The following PLCB4 variants were observed in gnomAD, a reference collection of about 807,000 sequenced individuals.
PLCB4 encodes phospholipase C beta 4, also known as 1-phosphatidylinositol 4,5-bisphosphate phosphodiesterase beta-4.
Under a neutral mutation model 178.8 loss-of-function variants are expected in PLCB4, and 77 were observed. That is an observed-to-expected ratio of 0.43 (90% CI 0.36 to 0.52). PLCB4 has a LOEUF of 0.52. PLCB4 is among the 20% of genes least tolerant of loss of function. The probability of loss-of-function intolerance (pLI) is 0.00; values close to 1 mark genes in which losing one functional copy is unlikely to be tolerated. For synonymous variants in PLCB4, 496 were observed against 490.8 expected (o/e 1.01, Z -0.14); for missense variants, 1,024 against 1,453.4 (o/e 0.70, Z 4.80).
At chr20:9,411,712 C>A (rs2039872446) in intron 25 of PLCB4, among the ~76,000 whole-genome samples, 1 of 137,286 alleles carries the variant, frequency 7.3e-6, no homozygotes. Context: ...AATTAGAATT[C>A]TCTTGAGATA....
At chr20:9,389,836 T>C (rs749714192) in intron 15 of PLCB4, 43 bp from the exon 16 acceptor site, 1 of 1,077,622 alleles carries the variant, frequency 9.3e-7, no homozygotes, top group Non-Finnish European at 1.4e-6. Context: ...GCCTTAATTT[T>C]TTTGCTCTTT....
At chr20:9,436,899 A>C in intron 29 of PLCB4, 103 bp from the exon 30 acceptor site, 4 of 1,054,042 alleles carry the variant, frequency 3.8e-6, no homozygotes, top group African/African-American at 1.6e-5. Context: ...AAGTCTAGGA[A>C]GAGTATGGTA....
At chr20:9,468,516 A>G in intron 35 of PLCB4, 55 bp from the exon 36 acceptor site, 1 of 1,073,402 alleles carries the variant, frequency 9.3e-7, no homozygotes, top group Non-Finnish European at 1.4e-6. Flanking sequence ...TCTACCCATT[A>G]AACACAAACT....
chr20:9,108,868 G>GT (rs1568765265), intron 2 of PLCB4, among the ~76,000 whole-genome samples: 1 of 148,772 alleles, frequency 6.7e-6, no homozygotes, highest in Non-Finnish European at 1.5e-5. Flanking sequence ...GAGAGATACA[G>GT]AGTGATGAGA....
chr20:9,419,681 C>T lies in PLCB4; in HGVS notation c.2052-126C>T, dbSNP rs6056605. On this transcript the variant is annotated intron_variant, in intron 25 of 39. Transcript: ENST00000378473. ...GGCACATTCTCTTCCATCCTTAGGA[C>T]CCTCTGCCTAAAATCCTAGCTCCTG... The T allele has an allele frequency of 1.9e-3, 1,347 of 701,004 alleles. 13 individuals are homozygous for T. The African/African-American group carries it at 0.021, about 11-fold the overall frequency. The allele number at this position is 701,004 out of a possible 1,614,324, so 43.4% of individuals were successfully genotyped here. A position where few individuals can be genotyped will look rare whatever the true frequency, so the allele number is the denominator to read the frequency against.
At chr20:9,330,804 A>C (rs893164016) in intron 4 of PLCB4, among the ~76,000 whole-genome samples, 2 of 152,178 alleles carry the variant, frequency 1.3e-5, no homozygotes, top group African/African-American at 2.4e-5. Context: ...CATCACGGTA[A>C]ATCCGTTGGA....
intron 19 of PLCB4, among the ~76,000 whole-genome samples, chr20:9,396,199 C>T (rs942233974): frequency 5.3e-5 from 8 of 152,150 alleles, no homozygotes; most frequent in Non-Finnish European, 4.4e-5. Flanking sequence ...GAAGCACTTG[C>T]TGTAGTAGGC....
chr20:9,244,668 T>C (rs190029552), intron 3 of PLCB4, among the ~76,000 whole-genome samples: 1 of 152,216 alleles, frequency 6.6e-6, no homozygotes, highest in African/African-American at 2.4e-5. Context: ...ATCAGTTAAG[T>C]AAAGAGTGTT....
chr20:9,105,956 A>G (rs2091347107), intron 2 of PLCB4, among the ~76,000 whole-genome samples: 1 of 152,126 alleles, frequency 6.6e-6, no homozygotes, highest in Non-Finnish European at 1.5e-5. Context: ...GACTACATAT[A>G]CATATGTTTT....
intron 7 of PLCB4, among the ~76,000 whole-genome samples, chr20:9,343,372 C>T (rs67966567): frequency 0.07 from 10,672 of 152,130 alleles, 416 homozygotes; most frequent in African/African-American, 0.094. Context: ...AAGCCATTTT[C>T]CCTTCTGTAT....
chr20:9,437,474 T>C (rs909767809), intron 30 of PLCB4, among the ~76,000 whole-genome samples: 11 of 152,242 alleles, frequency 7.2e-5, no homozygotes, highest in Admixed American at 5.2e-4. Flanking sequence ...GCCAATTCCA[T>C]GTGCTTACCT....
At chr20:9,291,278 T>C (rs1204061318) in intron 3 of PLCB4, among the ~76,000 whole-genome samples, 1 of 152,198 alleles carries the variant, frequency 6.6e-6, no homozygotes, top group Non-Finnish European at 1.5e-5. Flanking sequence ...CCACTCTCCC[T>C]GCTGGTCTAT....
intron 2 of PLCB4, among the ~76,000 whole-genome samples, chr20:9,149,998 A>G (rs1393577209): frequency 3.9e-5 from 6 of 152,174 alleles, no homozygotes; most frequent in African/African-American, 1.4e-4. Context: ...TTGACCGTGA[A>G]TGGAACAGCT....
At chr20:9,137,061 C>T (rs1489892302) in intron 2 of PLCB4, among the ~76,000 whole-genome samples, 6 of 152,032 alleles carry the variant, frequency 3.9e-5, no homozygotes, top group East Asian at 3.9e-4. Flanking sequence ...TCCTAGAAGC[C>T]ACAGTCGACC....
chr20:9,307,097 G>C (rs1448553996), intron 3 of PLCB4, among the ~76,000 whole-genome samples: 1 of 152,234 alleles, frequency 6.6e-6, no homozygotes, highest in Admixed American at 6.5e-5. Flanking sequence ...CACACAGAAG[G>C]AGGAGGGGCC....
chr20:9,152,418 T>A (rs539122004), intron 2 of PLCB4, among the ~76,000 whole-genome samples: 72 of 152,272 alleles, frequency 4.7e-4, no homozygotes, highest in African/African-American at 1.7e-3. Flanking sequence ...AGGGACATAG[T>A]GCCTTGTGTC....
intron 8 of PLCB4, 102 bp from the exon 9 acceptor site, chr20:9,365,359 A>G (rs2035685930): frequency 8.4e-6 from 6 of 712,088 alleles, no homozygotes. Context: ...TTTCAGAACC[A>G]ATGTTCTTGA....
intron 28 of PLCB4, among the ~76,000 whole-genome samples, chr20:9,434,747 G>A (rs1602684020): frequency 6.6e-6 from 1 of 152,218 alleles, no homozygotes; most frequent in Non-Finnish European, 1.5e-5. Flanking sequence ...AGAATTATGT[G>A]CCCCGTGTAC....
chr20:9,284,135 C>T (rs1022937096), intron 3 of PLCB4, among the ~76,000 whole-genome samples: 1 of 151,894 alleles, frequency 6.6e-6, no homozygotes, highest in Non-Finnish European at 1.5e-5. Flanking sequence ...ATGTGTGTTA[C>T]GTAGAAAAAT....
Sources: allele counts gnomAD v4.1 joint callset (sites outside exome capture counted in the v4.1 genomes callset), GRCh38; gene constraint gnomAD v4.1.1; transcripts MANE v1.5; gene names NCBI Gene and HGNC (gene_info 2026-07-23, HGNC 2026-07-21).